The following CC2D2B variants were observed in gnomAD, a reference collection of about 807,000 sequenced individuals.
CC2D2B encodes protein CC2D2B.
CC2D2B carries 128 observed loss-of-function variants against 161.2 expected under a neutral mutation model. The ratio of observed to expected loss-of-function variants is 0.79; its 90% CI spans 0.69 to 0.92. CC2D2B has a LOEUF of 0.92. CC2D2B is among the 40% of genes least tolerant of loss of function. CC2D2B has a pLI of 0.00. For missense variants in CC2D2B, 1,173 were observed against 1,375.1 expected, an observed-to-expected ratio of 0.85 and a Z score of 2.32; for synonymous variants, 391 against 449.8, an observed-to-expected ratio of 0.87 and a Z score of 1.65.
intron 6 of CC2D2B, among the ~76,000 whole-genome samples, chr10:95,935,257 AT>A (rs375189398): frequency 2.6e-4 from 40 of 152,198 alleles, no homozygotes; most frequent in African/African-American, 9.4e-4. Flanking sequence ...TCATCCTCAG[AT>A]TTCCTTTTAC....
At chr10:95,995,410 G>T in intron 23 of CC2D2B, 45 bp downstream of exon 23, 1 of 966,450 alleles carries the variant, frequency 1.0e-6, no homozygotes, top group Non-Finnish European at 1.5e-6. Context: ...GATTATGTTT[G>T]TTCTGAATTA....
Position 95,922,072 on chromosome 10 carries a change from A to G in CC2D2B, c.93A>G (p.Gln31=), listed in dbSNP as rs766430705. The change falls in exon 3 of 35, where the codon CAA becomes CAG. Residue 31 remains glutamine (Q), a synonymous_variant. Coordinates refer to ENST00000646931, the MANE Select transcript of CC2D2B (RefSeq NM_001349008.3). ...TAEEIIDKHL[Q]KDLDAEENQN... ...AAGAAATTATAGACAAGCATCTCCA[A>G]AAAGGTTCTCAATAAGTATACCATA... 1 of 1,507,208 alleles carries G rather than the reference A, an allele frequency of 6.6e-7. No individual in the cohort carries two copies. Among genetic ancestry groups the G allele is most frequent in the Middle Eastern group, 1.7e-4 (1 of 5,876 alleles). 93.4% of individuals were successfully genotyped at this position (1,507,208 alleles called of 1,614,324 possible). A position where few individuals can be genotyped will look rare whatever the true frequency, so the allele number is the denominator to read the frequency against.
intron 26 of CC2D2B, among the ~76,000 whole-genome samples, chr10:96,010,290 A>T (rs2078929878): frequency 6.6e-6 from 1 of 152,160 alleles, no homozygotes; most frequent in Non-Finnish European, 1.5e-5. Context: ...GGTAAGACCT[A>T]TGATTTGCAC....
At chr10:95,939,029 T>C (rs2075928199) in intron 9 of CC2D2B, 104 bp downstream of exon 9, 7 of 534,998 alleles carry the variant, frequency 1.3e-5, no homozygotes, top group Non-Finnish European at 2.3e-5. Flanking sequence ...ATACTAAGTC[T>C]ACTAATATAA....
intron 14 of CC2D2B, among the ~76,000 whole-genome samples, chr10:95,966,938 T>C (rs1426310193): frequency 6.6e-6 from 1 of 152,038 alleles, no homozygotes; most frequent in Non-Finnish European, 1.5e-5. Flanking sequence ...GGATCCCATC[T>C]CCCTTAAAGA....
intron 22 of CC2D2B, among the ~76,000 whole-genome samples, chr10:95,993,954 A>T (rs60931337): frequency 3.7e-4 from 5 of 13,456 alleles, no homozygotes; most frequent in Admixed American, 7.8e-4. Flanking sequence ...ATGTATGTGT[A>T]TATATATATA....
chr10:96,011,381 G>A (rs1461438690), intron 26 of CC2D2B, among the ~76,000 whole-genome samples: 3 of 152,164 alleles, frequency 2.0e-5, no homozygotes, highest in African/African-American at 7.2e-5. Flanking sequence ...TGGCTCCACT[G>A]ACTCATTACT....
chr10:95,983,606 T>A lies in CC2D2B; in HGVS notation c.2083T>A (p.Tyr695Asn), dbSNP rs1419701410. 1.6e-6 allele frequency: 2 copies of A among 1,224,708 alleles called. No homozygotes were observed. The highest frequency in any genetic ancestry group is 3.1e-5 in the African/African-American group (2 of 64,272). 75.9% of individuals were successfully genotyped at this position (1,224,708 alleles called of 1,614,324 possible). Residue 695 changes from tyrosine (Y) to asparagine (N), a missense_variant and splice_region_variant, in exon 19 of 35, where the codon TAC (tyrosine) becomes AAC (asparagine). This residue lies in a region of CC2D2B where 277 missense variants were observed against 420.6 expected (regional missense o/e 0.66). Transcript: ENST00000646931. ...EYSDLMESVT[Y>N]MRLKGQDIPK... is the part of the protein sequence containing the mutation. ...TAACTAAAGACTTTGCGTTTTACAG[T>A]ACATGAGACTTAAGGGGCAGGATAT...
intron 24 of CC2D2B, among the ~76,000 whole-genome samples, chr10:96,002,204 C>T (rs1317736038): frequency 6.6e-6 from 1 of 151,972 alleles, no homozygotes; most frequent in African/African-American, 2.4e-5. Flanking sequence ...GTGAAATAGG[C>T]CAAGAACAAT....
chr10:95,985,958 G>A (rs2077703012), intron 19 of CC2D2B, among the ~76,000 whole-genome samples: 1 of 152,026 alleles, frequency 6.6e-6, no homozygotes, highest in Non-Finnish European at 1.5e-5. Flanking sequence ...AATAAATTTT[G>A]GTCAGACCGG....
intron 6 of CC2D2B, among the ~76,000 whole-genome samples, 168 bp downstream of exon 6, chr10:95,927,500 G>C (rs898336997): frequency 2.0e-5 from 3 of 152,052 alleles, no homozygotes; most frequent in African/African-American, 7.2e-5. Context: ...AGCATTTATT[G>C]AGTGCACTCT....
intron 2 of CC2D2B, among the ~76,000 whole-genome samples, chr10:95,912,172 T>A (rs2098507541): frequency 6.6e-6 from 1 of 152,198 alleles, no homozygotes; most frequent in Non-Finnish European, 1.5e-5. Context: ...ATTAGTTTGG[T>A]TAGCATGTAC....
At chr10:95,954,823 C>G (rs1110411) in intron 10 of CC2D2B, among the ~76,000 whole-genome samples, 3,258 of 152,120 alleles carry the variant, frequency 0.021, 111 homozygotes, top group African/African-American at 0.073. Context: ...CACAAATTAC[C>G]TCCAACTGTG....
At chr10:95,923,608 T>C (rs2098532266) in intron 3 of CC2D2B, among the ~76,000 whole-genome samples, 1 of 152,216 alleles carries the variant, frequency 6.6e-6, no homozygotes, top group African/African-American at 2.4e-5. Context: ...ATCTGAGCTT[T>C]GTTTTTGTTT....
chr10:95,959,768 G>A (rs1044509090), intron 11 of CC2D2B, among the ~76,000 whole-genome samples: 2 of 150,754 alleles, frequency 1.3e-5, no homozygotes, highest in African/African-American at 4.8e-5. Context: ...GTGTTGATTA[G>A]TGTAATTTAA....
chr10:95,922,094 CA>C lies in CC2D2B; in HGVS notation c.97+19del, dbSNP rs766263058. ...CCAAAAAGGTTCTCAATAAGTATAC[CA>C]TAACTCTGATACTCTTCATTTTTAT... On this transcript the variant is annotated intron_variant, in intron 3 of 34. Transcript: ENST00000646931. The C allele has an allele frequency of 7.6e-7, 1 of 1,324,362 alleles. No homozygotes were observed. The highest frequency in any genetic ancestry group is 1.1e-6 in the Non-Finnish European group (1 of 947,662). The allele number at this position is 1,324,362 out of a possible 1,614,324, so 82.0% of individuals were successfully genotyped here. A position where few individuals can be genotyped will look rare whatever the true frequency, so the allele number is the denominator to read the frequency against.
intron 11 of CC2D2B, among the ~76,000 whole-genome samples, chr10:95,957,138 T>C (rs987687603): frequency 2.0e-5 from 3 of 152,116 alleles, no homozygotes; most frequent in Admixed American, 2.0e-4. Context: ...TACCTGTTCC[T>C]GGAGTAATCC....
At position 95,966,321 on chromosome 10, in the gene CC2D2B, T is replaced by A; in HGVS notation, c.1466+19T>A. On this transcript the variant is annotated intron_variant, in intron 14 of 34. Transcript: ENST00000646931. ...GTTCCTTGTAAGCATGTTTAAATAA[T>A]TATTTATTTATTATATATTGTCTAT... The A allele has an allele frequency of 2.4e-6, 2 of 828,986 alleles. No homozygotes were observed. The highest frequency in any genetic ancestry group is 1.6e-6 in the Non-Finnish European group (1 of 620,562). 51.4% of individuals were successfully genotyped at this position (828,986 alleles called of 1,614,324 possible).
chr10:96,007,213 T>A (rs961734132), intron 25 of CC2D2B, among the ~76,000 whole-genome samples: 1 of 152,172 alleles, frequency 6.6e-6, no homozygotes, highest in African/African-American at 2.4e-5. Flanking sequence ...GTGTGTGTTA[T>A]CCCTCTCTAT....
Sources: allele counts gnomAD v4.1 joint callset (sites outside exome capture counted in the v4.1 genomes callset), GRCh38; gene constraint gnomAD v4.1.1; regional missense constraint gnomAD v4.1.1; transcripts MANE v1.5; gene names NCBI Gene and HGNC (gene_info 2026-07-23, HGNC 2026-07-21).